The following PAK1 variants were observed in gnomAD, a reference collection of about 807,000 sequenced individuals.
PAK1 encodes serine/threonine-protein kinase PAK 1.
PAK1 carries 29 observed loss-of-function variants against 67.4 expected under a neutral mutation model. The ratio of observed to expected loss-of-function variants is 0.43; its 90% CI spans 0.32 to 0.59. The LOEUF (loss-of-function observed/expected upper bound fraction) is 0.59, where lower values mean the gene tolerates loss of function less well. Ranked by LOEUF, PAK1 falls within the 20% of genes least tolerant of loss-of-function variation. PAK1 has a pLI of 0.07. For synonymous variants in PAK1, 223 were observed against 237.4 expected, an observed-to-expected ratio of 0.94 and a Z score of 0.56; for missense variants, 337 against 670.7, an observed-to-expected ratio of 0.50 and a Z score of 5.50.
intron 2 of PAK1, among the ~76,000 whole-genome samples, chr11:77,383,008 G>T (rs1950025740): frequency 6.6e-6 from 1 of 152,016 alleles, no homozygotes; most frequent in South Asian, 2.1e-4. Flanking sequence ...AAAAAATAAA[G>T]AAAGAAAATA....
the PAK1 span, among the ~76,000 whole-genome samples, chr11:77,514,448 T>C: frequency 6.6e-6 from 1 of 152,044 alleles, no homozygotes; most frequent in Non-Finnish European, 1.5e-5. Context: ...TGAACTGAGA[T>C]CACACCACCG....
At chr11:77,441,006 T>C (rs1218959475) in intron 1 of PAK1, among the ~76,000 whole-genome samples, 1 of 152,142 alleles carries the variant, frequency 6.6e-6, no homozygotes. Context: ...GAGACCAACT[T>C]AGAAGACCAG....
chr11:77,490,797 G>A, the PAK1 span, among the ~76,000 whole-genome samples: 57 of 152,266 alleles, frequency 3.7e-4, no homozygotes, highest in East Asian at 0.01. Context: ...AAAATTCTTC[G>A]GCCTTGGGAT....
intron 1 of PAK1, among the ~76,000 whole-genome samples, chr11:77,472,863 CT>C (rs1409609783): frequency 1.4e-4 from 21 of 152,188 alleles, no homozygotes; most frequent in Middle Eastern, 3.4e-3. Flanking sequence ...GCCACACCCA[CT>C]ACTTCTCAAG....
intron 11 of PAK1, 88 bp downstream of exon 11, chr11:77,340,558 A>T: frequency 1.3e-6 from 1 of 762,040 alleles, no homozygotes; most frequent in Non-Finnish European, 2.4e-6. Flanking sequence ...CACAGAGCCC[A>T]GGCTGAGATC....
chr11:77,328,209 A>T (rs1052783040), intron 14 of PAK1, among the ~76,000 whole-genome samples: 2 of 152,180 alleles, frequency 1.3e-5, no homozygotes, highest in African/African-American at 4.8e-5. Context: ...CCCCACTGTC[A>T]ACATTAGACA....
At chr11:77,453,054 G>C (rs1367435178) in intron 1 of PAK1, among the ~76,000 whole-genome samples, 1 of 152,022 alleles carries the variant, frequency 6.6e-6, no homozygotes, top group Non-Finnish European at 1.5e-5. Context: ...GGAAGAAGTG[G>C]GATATATAAG....
chr11:77,327,005 G>A (rs1397039304), intron 14 of PAK1, among the ~76,000 whole-genome samples: 4 of 152,142 alleles, frequency 2.6e-5, no homozygotes, highest in African/African-American at 7.2e-5. Flanking sequence ...CTCAGGAGCC[G>A]ATGCGATCAA....
chr11:77,472,844 G>T (rs1957930605), intron 1 of PAK1, among the ~76,000 whole-genome samples: 1 of 198 alleles, frequency 5.1e-3, no homozygotes, highest in African/African-American at 0.021. Context: ...CAAGGACGTT[G>T]CTCACAACGC....
At chr11:77,393,690 C>T (rs570259483) in intron 1 of PAK1, among the ~76,000 whole-genome samples, 20 of 152,274 alleles carry the variant, frequency 1.3e-4, no homozygotes, top group Admixed American at 9.8e-4. Context: ...TTCTGAGAAA[C>T]AGTAGAATAA....
chr11:77,322,119 G>A lies in PAK1; in HGVS notation c.*1155C>T, dbSNP rs1284231086. 1 of 217,820 alleles carries A rather than the reference G, an allele frequency of 4.6e-6. No individual in the cohort carries two copies. Among genetic ancestry groups the A allele is most frequent in the Non-Finnish European group, 9.3e-6 (1 of 107,918 alleles). 13.5% of individuals were successfully genotyped at this position (217,820 alleles called of 1,614,324 possible). On this transcript the variant is annotated 3_prime_UTR_variant, in exon 15 of 15. Coordinates refer to ENST00000356341, the MANE Select transcript of PAK1 (RefSeq NM_002576.5). ...GTAGTCAATGGGGCTGACATGACAA[G>A]CCACAATGCTGGCCAGGGGTCCTAC...
chr11:77,397,990 A>G (rs1183636635), intron 1 of PAK1, among the ~76,000 whole-genome samples: 1 of 152,240 alleles, frequency 6.6e-6, no homozygotes, highest in African/African-American at 2.4e-5. Context: ...TTTTGTGGGC[A>G]CATAGTAGTT....
upstream of PAK1, among the ~76,000 whole-genome samples, chr11:77,478,891 A>G (rs969928456): frequency 2.0e-5 from 3 of 147,196 alleles, no homozygotes; most frequent in African/African-American, 7.6e-5. Flanking sequence ...CCTGGCTAAC[A>G]TGGTGAAACC....
intron 1 of PAK1, among the ~76,000 whole-genome samples, chr11:77,435,555 C>T (rs1159296841): frequency 6.7e-6 from 1 of 149,448 alleles, no homozygotes. Flanking sequence ...GTGCAGTGGC[C>T]TGATCTCGGC....
chr11:77,486,279 T>C, the PAK1 span, among the ~76,000 whole-genome samples: 1 of 152,116 alleles, frequency 6.6e-6, no homozygotes, highest in African/African-American at 2.4e-5. Context: ...GATGGGAAGA[T>C]TCCTTGAGCA....
rs1197804786 is a variant in PAK1, at chr11:77,380,013, A to C, written c.191-19T>G. 6 of 1,569,140 alleles carry C rather than the reference A, an allele frequency of 3.8e-6. No individual in the cohort carries two copies. The highest frequency in any genetic ancestry group is 5.3e-6 in the Non-Finnish European group (6 of 1,141,882). ...TTATTTGCTGCAAGAGAAACAGGCAAAAGGAAATAAAAAACAGGAACATTA... is the reference window on the plus strand; with the variant it reads ...TTATTTGCTGCAAGAGAAACAGGCACAAGGAAATAAAAAACAGGAACATTA... On this transcript the variant is annotated intron_variant, in intron 2 of 14. Coordinates refer to ENST00000356341, the MANE Select transcript of PAK1 (RefSeq NM_002576.5).
At chr11:77,463,205 A>G (rs542407864) in intron 1 of PAK1, among the ~76,000 whole-genome samples, 1 of 152,268 alleles carries the variant, frequency 6.6e-6, no homozygotes, top group Non-Finnish European at 1.5e-5. Context: ...GGGTGTACTG[A>G]TATCTGCAAC....
intron 2 of PAK1, among the ~76,000 whole-genome samples, chr11:77,391,164 T>C (rs1158081161): frequency 6.6e-6 from 1 of 152,218 alleles, no homozygotes; most frequent in Non-Finnish European, 1.5e-5. Context: ...TCTACCATTG[T>C]GCTTGTTGTA....
chr11:77,374,377 G>A lies in PAK1; in HGVS notation c.440-12C>T, dbSNP rs188655913. ...CTCAGCTGACTTATCTGCACAGGAAGAAAAACAAGGGACTTAGTCAATAAC... is the reference window on the plus strand; with the variant it reads ...CTCAGCTGACTTATCTGCACAGGAAAAAAAACAAGGGACTTAGTCAATAAC... On this transcript the variant is annotated splice_polypyrimidine_tract_variant and intron_variant, in intron 4 of 14. Coordinates refer to ENST00000356341, the MANE Select transcript of PAK1 (RefSeq NM_002576.5). 321 of 1,577,002 alleles carry A rather than the reference G, an allele frequency of 2.0e-4. 2 individuals are homozygous for A. The African/African-American group carries it at 3.8e-3, about 19-fold the overall frequency.
Sources: gnomAD v4.1 joint callset for allele counts (sites outside exome capture counted in the v4.1 genomes callset) on GRCh38, gnomAD v4.1.1 for gene constraint, MANE v1.5 for transcripts, NCBI Gene and HGNC (gene_info 2026-07-23, HGNC 2026-07-21) for gene names.